The following ACVRL1 variants were observed in gnomAD, a reference collection of about 807,000 sequenced individuals.
ACVRL1 encodes activin A receptor like type 1.
A neutral mutation model predicts 51.9 loss-of-function variants in ACVRL1; 20 were observed. That is an observed-to-expected ratio of 0.39 (90% confidence interval 0.27 to 0.56). The LOEUF is 0.56. Ranked by LOEUF, ACVRL1 falls within the 20% of genes least tolerant of loss-of-function variation. The probability of loss-of-function intolerance (pLI) is 0.67; values close to 1 mark genes in which losing one functional copy is unlikely to be tolerated. For synonymous variants in ACVRL1, 288 were observed against 280.9 expected, an observed-to-expected ratio of 1.03 and a Z score of -0.25; for missense variants, 451 against 670.3, an observed-to-expected ratio of 0.67 and a Z score of 3.61.
chr12:51,911,149 C>T (rs575909650), intron 1 of ACVRL1, among the ~76,000 whole-genome samples: 15 of 152,356 alleles, frequency 9.8e-5, no homozygotes, highest in African/African-American at 3.1e-4. Flanking sequence ...ACATGCTCCA[C>T]CATTCAGAAA....
rs1201728595 is a variant in ACVRL1 at position 51,914,087 on chromosome 12, G to A, written c.625+14G>A. Reference sequence around the variant, plus strand: ...TGGAGTGTGTGGGTGAGCAGTGGGTGAGCCCGGTGGATGAGGACCAAGGGC... The same window carrying A: ...TGGAGTGTGTGGGTGAGCAGTGGGTAAGCCCGGTGGATGAGGACCAAGGGC... On this transcript the variant is annotated intron_variant, in intron 5 of 9. Transcript: ENST00000388922. 1 of 1,610,998 alleles carries A rather than the reference G, an allele frequency of 6.2e-7. No homozygotes were observed.
chr12:51,911,389 T>C (rs1034035213), intron 1 of ACVRL1, among the ~76,000 whole-genome samples: 3 of 152,132 alleles, frequency 2.0e-5, no homozygotes, highest in Non-Finnish European at 4.4e-5. Context: ...AGTGTCTAAG[T>C]GTGTTTCACT....
chr12:51,919,182 G>C (rs1940911530), intron 9 of ACVRL1, 67 bp downstream of exon 9: 1 of 1,609,776 alleles, frequency 6.2e-7, no homozygotes, highest in South Asian at 1.1e-5. Flanking sequence ...CTGGGCCCAG[G>C]AACTTGTGTC....
rs765132417 is a variant in ACVRL1 at position 51,913,989 on chromosome 12, G to A, written c.541G>A (p.Asp181Asn). 27 of 1,613,536 alleles carry A rather than the reference G, an allele frequency of 1.7e-5. No homozygotes were observed. In the South Asian group the frequency reaches 2.7e-4, roughly 16 times the overall value. Residue 181 changes from aspartate to asparagine, a missense_variant, in exon 5 of 10, where the codon GAC (aspartate) becomes AAC (asparagine). Physicochemically the swap from Asp to Asn is conservative, Grantham distance 23. This residue lies in a region of ACVRL1 where 259 missense variants were observed against 453.4 expected (regional missense o/e 0.57). Coordinates refer to ENST00000388922, the MANE Select transcript of ACVRL1 (RefSeq NM_000020.3). The part of the protein sequence containing the change: ...DSMLGDLLDS[D>N]CTTGSGSGLP... ...GTACCCCCAGGACCTCCTGGACAGTGACTGCACCACAGGGAGTGGCTCAGG... is the reference window on the plus strand; with the variant it reads ...GTACCCCCAGGACCTCCTGGACAGTAACTGCACCACAGGGAGTGGCTCAGG...
chr12:51,915,561 C>A, intron 7 of ACVRL1, 61 bp downstream of exon 7: 7 of 1,550,762 alleles, frequency 4.5e-6, no homozygotes, highest in Non-Finnish European at 6.1e-6. Context: ...GCGCTCTCCT[C>A]TCCTTTGCCT....
At chr12:51,914,173 C>A in intron 5 of ACVRL1, 100 bp downstream of exon 5, 3 of 1,328,704 alleles carry the variant, frequency 2.3e-6, no homozygotes, top group Non-Finnish European at 3.2e-6. Flanking sequence ...CGGTGCCAGG[C>A]CTGGGTCAGA....
Position 51,921,156 on chromosome 12 carries a change from CT to C in ACVRL1, c.*264del, listed in dbSNP as rs1295966935. 1 of 503,524 alleles carries C rather than the reference CT, an allele frequency of 2.0e-6. No individual in the cohort carries two copies. Among genetic ancestry groups the C allele is most frequent in the East Asian group, 3.7e-5 (1 of 27,154 alleles). 31.2% of individuals were successfully genotyped at this position (503,524 alleles called of 1,614,324 possible). A position where few individuals can be genotyped will look rare whatever the true frequency, so the allele number is the denominator to read the frequency against. ...CCCTATGGCCAGCATGGTGCACCCC[CT>C]ACCACTCCCGGGACAGGATGCAAAA... is the stretch of plus-strand genomic sequence containing the variant. On this transcript the variant is annotated 3_prime_UTR_variant, in exon 10 of 10. Transcript: ENST00000388922.
intron 1 of ACVRL1, among the ~76,000 whole-genome samples, chr12:51,911,618 G>A (rs1198857479): frequency 3.3e-5 from 5 of 152,228 alleles, no homozygotes; most frequent in South Asian, 2.1e-4. Context: ...GGGACAGAGC[G>A]AAGAGAGCAC....
chr12:51,911,426 C>A (rs1365891299), intron 1 of ACVRL1, among the ~76,000 whole-genome samples: 2 of 152,198 alleles, frequency 1.3e-5, no homozygotes, highest in Non-Finnish European at 2.9e-5. Flanking sequence ...TGGCCCTCCA[C>A]CCACCCTTTC....
Position 51,907,975 on chromosome 12 carries a change from T to G in ACVRL1, c.-6+280T>G, listed in dbSNP as rs1321820181. On this transcript the variant is annotated intron_variant, in intron 1 of 9. Coordinates refer to ENST00000388922, the MANE Select transcript of ACVRL1 (RefSeq NM_000020.3). The surrounding 1 kb of genome is among the most constrained non-coding windows in gnomAD (Gnocchi z 4.5). ...ACTTCACTTCTCTGTTCTCCTACCC[T>G]CTTCATAAAATGGGCAGTGGGATTC... Among the ~76,000 whole-genome samples the G allele has an allele frequency of 6.6e-6, 1 of 152,144 alleles. No homozygotes were observed. Among genetic ancestry groups the G allele is most frequent in the African/African-American group, 2.4e-5 (1 of 41,414 alleles).
intron 1 of ACVRL1, among the ~76,000 whole-genome samples, chr12:51,908,428 C>T (rs959077106): frequency 6.6e-6 from 1 of 152,234 alleles, no homozygotes; most frequent in Non-Finnish European, 1.5e-5. Flanking sequence ...TGTCCTAATA[C>T]CTGTCCTCTC....
In ACVRL1 at chr12:51,913,150, G is replaced by A. The variant is rs1257219446; in HGVS notation, c.113G>A (p.Ser38Asn). 2.8e-5 allele frequency: 45 copies of A among 1,606,510 alleles called. No individual in the cohort carries two copies. The highest frequency in any genetic ancestry group is 3.7e-5 in the Non-Finnish European group (44 of 1,178,610). ...CCGCTGGTGACCTGCACGTGTGAGA[G>A]CCCACATTGCAAGGGGCCTACCTGC... ...RGPLVTCTCE[S>N]PHCKGPTCRG... The change falls in exon 3 of 10, where the codon AGC becomes AAC. Residue 38 changes from serine to asparagine, a missense_variant. Ser to Asn is a conservative substitution (Grantham distance 46). Around this residue, in one of 2 missense-constraint regions of ACVRL1, gnomAD observed 192 missense variants for 216.9 expected, o/e 0.89. Transcript: ENST00000388922.
chr12:51,919,489 C>T (rs1203587958), intron 9 of ACVRL1: 3 of 330,672 alleles, frequency 9.1e-6, no homozygotes, highest in African/African-American at 2.1e-5. Flanking sequence ...TCAAACTCCT[C>T]GGCTCAACTG....
rs545959825 is a variant in ACVRL1 at position 51,911,520 on chromosome 12, T to C, written c.-5-950T>C. Among the ~76,000 whole-genome samples the C allele has an allele frequency of 1.7e-4, 26 of 152,302 alleles. No homozygotes were observed. The East Asian group carries it at 4.8e-3, about 28-fold the overall frequency. ...TCTGGTGAGCTTGCAGAGAGGTTTC[T>C]CTACACCTGGCATGACCCTGCCCCG... On this transcript the variant is annotated intron_variant, in intron 1 of 9. Transcript: ENST00000388922.
At chr12:51,910,942 C>G (rs918169814) in intron 1 of ACVRL1, among the ~76,000 whole-genome samples, 1 of 152,234 alleles carries the variant, frequency 6.6e-6, no homozygotes, top group African/African-American at 2.4e-5. Flanking sequence ...ATGAAGCCCC[C>G]CTACCCCACC....
At chr12:51,914,186 TG>T in intron 5 of ACVRL1, 113 bp downstream of exon 5, 1 of 945,534 alleles carries the variant, frequency 1.1e-6, no homozygotes. Flanking sequence ...GGGTCAGAAT[TG>T]GAATTCTGCT....
At position 51,913,746 on chromosome 12, in the gene ACVRL1, T is replaced by G; in HGVS notation, c.501T>G (p.Ser167=). Residue 167 remains serine (S), a synonymous_variant, in exon 4 of 10, where the codon TCT becomes TCG. Coordinates refer to ENST00000388922, the MANE Select transcript of ACVRL1 (RefSeq NM_000020.3). ...AGTCCAGTCTCATCCTGAAAGCATC[T>G]GAGCAGGGCGACAGCATGTTGGGGG... ...LGESSLILKA[S]EQGDSMLGDL... The G allele has an allele frequency of 5.0e-6, 8 of 1,611,962 alleles. No individual in the cohort carries two copies. The highest frequency in any genetic ancestry group is 6.8e-6 in the Non-Finnish European group (8 of 1,179,982).
At chr12:51,920,303 C>T (rs1176852332) in intron 9 of ACVRL1, among the ~76,000 whole-genome samples, 1 of 152,206 alleles carries the variant, frequency 6.6e-6, no homozygotes, top group East Asian at 1.9e-4. Context: ...GGGTCTTAGG[C>T]TGTGGATGGG....
intron 9 of ACVRL1, 141 bp from the exon 10 acceptor site, chr12:51,920,618 C>A: frequency 2.2e-6 from 2 of 895,346 alleles, no homozygotes; most frequent in Non-Finnish European, 3.6e-6. Context: ...CTGCTTATGT[C>A]TCCCCATTAC....
Sources: allele counts gnomAD v4.1 joint callset (sites outside exome capture counted in the v4.1 genomes callset), GRCh38; gene constraint gnomAD v4.1.1; regional missense constraint gnomAD v4.1.1; non-coding constraint Gnocchi (gnomAD v3.1); transcripts MANE v1.5; gene names NCBI Gene and HGNC (gene_info 2026-07-23, HGNC 2026-07-21).